Variants in GBA1 observed in about 807,000 individuals in gnomAD.
GBA1 encodes glucosylceramidase beta 1.
chr1:155,242,968 CTT>C, the GBA1 span, among the ~76,000 whole-genome samples: 1 of 152,194 alleles, frequency 6.6e-6, no homozygotes, highest in Non-Finnish European at 1.5e-5. Flanking sequence ...GGCTGTTTGA[CTT>C]TCAATAAATC....
At chr1:155,242,346 C>T in the GBA1 span, among the ~76,000 whole-genome samples, 1 of 152,044 alleles carries the variant, frequency 6.6e-6, no homozygotes, top group Non-Finnish European at 1.5e-5. Context: ...CCTCAGCCTC[C>T]CAAGTAGCTG....
chr1:155,235,501 G>A, the GBA1 span: 2 of 1,028,668 alleles, frequency 1.9e-6, no homozygotes, highest in Middle Eastern at 2.9e-4. Flanking sequence ...CAGGCATTGG[G>A]GTTTTCTGTT....
chr1:155,239,570 G>T, the GBA1 span: 2 of 1,610,484 alleles, frequency 1.2e-6, no homozygotes, highest in Non-Finnish European at 1.7e-6. Flanking sequence ...AAAGAAAAAC[G>T]AAAAGTTTCA....
chr1:155,244,215 T>C, the GBA1 span: 1 of 151,980 alleles, frequency 6.6e-6, no homozygotes, highest in Non-Finnish European at 1.5e-5. Flanking sequence ...CTGACCAACA[T>C]GGTGAAACCC....
the GBA1 span, chr1:155,235,873 A>C: frequency 6.2e-7 from 1 of 1,614,190 alleles, no homozygotes; most frequent in Non-Finnish European, 8.5e-7. Context: ...CAAAGAGACA[A>C]AGGCGCAACA....
chr1:155,238,587 G>T, the GBA1 span: 3 of 1,613,572 alleles, frequency 1.9e-6, no homozygotes, highest in Middle Eastern at 5.0e-4. Context: ...GTCTGCATAG[G>T]TGTAGGTGCG....
the GBA1 span, chr1:155,238,484 GC>G: frequency 3.2e-6 from 5 of 1,576,288 alleles, no homozygotes; most frequent in Non-Finnish European, 4.3e-6. Context: ...AGACATCAGG[GC>G]CCTCAGGGCC....
chr1:155,235,659 G>A, the GBA1 span: 9 of 1,574,254 alleles, frequency 5.7e-6, no homozygotes, highest in Non-Finnish European at 7.8e-6. Flanking sequence ...GTATGGAATG[G>A]GGGTGCCCGC....
chr1:155,236,501 T>G, the GBA1 span: 4 of 1,541,846 alleles, frequency 2.6e-6, no homozygotes, highest in Non-Finnish European at 3.6e-6. Context: ...TCCTGGACCT[T>G]GCACACAGGC....
the GBA1 span, chr1:155,238,867 T>TA: frequency 3.2e-6 from 2 of 620,454 alleles, no homozygotes; most frequent in Non-Finnish European, 2.8e-6. Context: ...GAAATCTTAT[T>TA]TCACAGGGCA....
chr1:155,240,884 TGAC>T, the GBA1 span, among the ~76,000 whole-genome samples: 2 of 152,194 alleles, frequency 1.3e-5, no homozygotes, highest in Non-Finnish European at 2.9e-5. Flanking sequence ...ACCCTTCTGA[TGAC>T]AACTCTCTGC....
chr1:155,235,256 C>G, the GBA1 span: 1 of 1,613,852 alleles, frequency 6.2e-7, no homozygotes, highest in Non-Finnish European at 8.5e-7. Flanking sequence ...GCGTCCAGGT[C>G]GTTCTTCTGA....
chr1:155,241,275 T>C, the GBA1 span: 1 of 703,518 alleles, frequency 1.4e-6, no homozygotes, highest in East Asian at 2.7e-5. Flanking sequence ...ATGGGTCATG[T>C]GATGACTAGG....
the GBA1 span, chr1:155,238,682 C>G: frequency 6.2e-7 from 1 of 1,613,268 alleles, no homozygotes; most frequent in Non-Finnish European, 8.5e-7. Context: ...ATATGGTAGT[C>G]CGAGTCAATA....
the GBA1 span, among the ~76,000 whole-genome samples, chr1:155,243,781 G>T: frequency 1.5e-4 from 22 of 145,286 alleles, no homozygotes; most frequent in East Asian, 1.4e-3. Flanking sequence ...TTTTTGTTTT[G>T]TTTTTTTTTT....
At chr1:155,242,869 A>C in the GBA1 span, among the ~76,000 whole-genome samples, 1 of 152,218 alleles carries the variant, frequency 6.6e-6, no homozygotes, top group Non-Finnish European at 1.5e-5. Flanking sequence ...TTGGGATTAT[A>C]GCAATGAGCC....
At chr1:155,236,797 A>G in the GBA1 span, among the ~76,000 whole-genome samples, 1 of 151,718 alleles carries the variant, frequency 6.6e-6, no homozygotes, top group Admixed American at 6.6e-5. Context: ...GTATATATAT[A>G]TACATATAAA....
the GBA1 span, among the ~76,000 whole-genome samples, chr1:155,243,257 T>A: frequency 5.3e-5 from 8 of 152,202 alleles, no homozygotes; most frequent in Non-Finnish European, 4.4e-5. Context: ...GACTTCTCAC[T>A]TTTCAAGGAA....
the GBA1 span, among the ~76,000 whole-genome samples, chr1:155,243,072 T>G: frequency 6.6e-6 from 1 of 152,238 alleles, no homozygotes; most frequent in African/African-American, 2.4e-5. Context: ...ATAATGTGTC[T>G]CTAGTACACT....
Sources: allele counts gnomAD v4.1 joint callset (sites outside exome capture counted in the v4.1 genomes callset), GRCh38; gene constraint gnomAD v4.1.1; transcripts MANE v1.5; gene names NCBI Gene and HGNC (gene_info 2026-07-23, HGNC 2026-07-21).